The following POGZ variants were observed in gnomAD, a reference collection of about 807,000 sequenced individuals.
POGZ encodes pogo transposable element with ZNF domain.
Under a neutral mutation model 134.6 loss-of-function variants are expected in POGZ, and 17 were observed. The observed-to-expected ratio is 0.13, with a 90% CI of 0.09 to 0.19. The LOEUF (loss-of-function observed/expected upper bound fraction) is 0.19, where lower values mean the gene tolerates loss of function less well. Among genes scored for constraint, POGZ ranks in the 10% least tolerant of loss-of-function variants. The pLI, the probability that POGZ is intolerant of heterozygous loss-of-function variation, is 1.00. For missense variants in POGZ, 1,306 were observed against 1,769.7 expected (o/e 0.74, Z 4.70); for synonymous variants, 693 against 657.1 (o/e 1.05, Z -0.84).
intron 3 of POGZ, among the ~76,000 whole-genome samples, chr1:151,437,011 T>C (rs1659695883): frequency 6.6e-6 from 1 of 152,078 alleles, no homozygotes; most frequent in Admixed American, 6.6e-5. Flanking sequence ...CTAGCCAACA[T>C]GGTGACACAC....
chr1:151,424,979 A>G lies in POGZ; in HGVS notation c.1161T>C (p.Thr387=). ...CACACATGTGACCTCTCAAAGCTTC[A>G]GTAACACGAAATTGAGCATTACATC... ...CPRCNAQFRV[T]EALRGHMCYC... The change falls in exon 8 of 19, where the codon ACT becomes ACC. Residue 387 remains threonine (T), a synonymous_variant. Transcript: ENST00000271715. 1 of 1,591,820 alleles carries G rather than the reference A, an allele frequency of 6.3e-7. No individual in the cohort carries two copies. Among genetic ancestry groups the G allele is most frequent in the Non-Finnish European group, 8.6e-7 (1 of 1,163,812 alleles).
rs1372291064 is a variant in POGZ at position 151,406,482 on chromosome 1, AAAGAG to A, written c.2571-23_2571-19del. The A allele has an allele frequency of 1.3e-6, 2 of 1,556,542 alleles. No homozygotes were observed. Among genetic ancestry groups the A allele is most frequent in the African/African-American group, 2.8e-5 (2 of 72,524 alleles). On this transcript the variant is annotated intron_variant, in intron 18 of 18. Coordinates refer to ENST00000271715, the MANE Select transcript of POGZ (RefSeq NM_015100.4). ...GGCCATGCCTAAAGGGGTGAGGAGC[AAAGAG>A]AAGAGGAGAAATCTCAGTTCAACTA...
intron 1 of POGZ, 43 bp from the exon 2 acceptor site, chr1:151,442,248 G>C: frequency 1.3e-6 from 2 of 1,578,816 alleles, no homozygotes; most frequent in Non-Finnish European, 1.7e-6. Flanking sequence ...CTAAGAATAG[G>C]AGATATTGCT....
intron 3 of POGZ, among the ~76,000 whole-genome samples, chr1:151,432,443 A>G (rs911251796): frequency 1.8e-4 from 28 of 152,240 alleles, no homozygotes; most frequent in African/African-American, 6.8e-4. Flanking sequence ...TTACTGAGCC[A>G]GAAGACCAGT....
chr1:151,406,968 T>G lies in POGZ; in HGVS notation c.2488A>C (p.Met830Leu). The G allele has an allele frequency of 6.2e-7, 1 of 1,614,158 alleles. No homozygotes were observed. Among genetic ancestry groups the G allele is most frequent in the Non-Finnish European group, 8.5e-7 (1 of 1,180,004 alleles). ...GGGTTGAATACCAAATGCTTGGCCA[T>G]AGCATCGCCCACAGAGGTAACAAAG... Reference protein sequence around the residue: ...CTFVTSVGDAMAKHLVFNPSH... With the variant: ...CTFVTSVGDALAKHLVFNPSH... The change falls in exon 17 of 19, where the codon ATG (methionine) becomes CTG (leucine). Residue 830 changes from methionine (M) to leucine (L), a missense_variant. This residue lies in a region of POGZ where 214 missense variants were observed against 255.5 expected (regional missense o/e 0.84). Coordinates refer to ENST00000271715, the MANE Select transcript of POGZ (RefSeq NM_015100.4).
intron 15 of POGZ, 151 bp downstream of exon 15, chr1:151,407,949 T>C (rs1046991205): frequency 8.9e-6 from 5 of 563,746 alleles, no homozygotes; most frequent in African/African-American, 3.9e-5. Flanking sequence ...GAGGCAGAGG[T>C]TGCAGTGAGC....
At chr1:151,437,123 G>C (rs574511076) in intron 3 of POGZ, among the ~76,000 whole-genome samples, 5 of 151,990 alleles carry the variant, frequency 3.3e-5, no homozygotes, top group Admixed American at 3.3e-4. Context: ...GAACTTGGGA[G>C]GCAGAGGCTG....
At chr1:151,411,005 TCTAG>T (rs1654568105) in intron 12 of POGZ, among the ~76,000 whole-genome samples, 1 of 152,236 alleles carries the variant, frequency 6.6e-6, no homozygotes, top group Non-Finnish European at 1.5e-5. Context: ...AAAAAGGCCT[TCTAG>T]CTAGTTTCCC....
intron 9 of POGZ, among the ~76,000 whole-genome samples, 166 bp downstream of exon 9, chr1:151,423,783 A>G (rs541825878): frequency 6.6e-6 from 1 of 152,316 alleles, no homozygotes; most frequent in East Asian, 1.9e-4. Flanking sequence ...CCTTTTGTTT[A>G]TTACCACAAT....
intron 2 of POGZ, 41 bp from the exon 3 acceptor site, chr1:151,441,127 A>C (rs1178355564): frequency 2.6e-6 from 4 of 1,551,326 alleles, no homozygotes; most frequent in Non-Finnish European, 3.5e-6. Context: ...AGACAGGGAC[A>C]GATGACACTA....
rs1657360057 is a variant in POGZ, at chr1:151,423,938, T to A, written c.1523+11A>T. ...TGTTCAAGGTAACTTCCAAGGCTCT[T>A]AAACACTTACCGAATATTGTTTTTT... On this transcript the variant is annotated intron_variant, in intron 9 of 18. Transcript: ENST00000271715. The A allele has an allele frequency of 1.9e-6, 3 of 1,603,108 alleles. No individual in the cohort carries two copies. In the East Asian group the frequency reaches 6.7e-5, roughly 36 times the overall value.
Position 151,414,251 on chromosome 1 carries a change from C to T in POGZ, c.1679-1855G>A, listed in dbSNP as rs115608185. Among the ~76,000 whole-genome samples the T allele has an allele frequency of 3.5e-3, 528 of 152,240 alleles. 5 individuals carry two copies. The highest frequency in any genetic ancestry group is 0.012 in the African/African-American group (503 of 41,554). ...GGGAAACAGTTAACTAGCAACATAA[C>T]GATATTATCTCTTTTCCACTCACCC... On this transcript the variant is annotated intron_variant, in intron 10 of 18. Coordinates refer to ENST00000271715, the MANE Select transcript of POGZ (RefSeq NM_015100.4).
chr1:151,448,172 A>C (rs1219470347), intron 1 of POGZ, among the ~76,000 whole-genome samples: 1 of 151,752 alleles, frequency 6.6e-6, no homozygotes, highest in Non-Finnish European at 1.5e-5. Flanking sequence ...TTAGAAACCT[A>C]AAAAAAAATT....
At chr1:151,412,962 G>T (rs2479386) in intron 10 of POGZ, among the ~76,000 whole-genome samples, 148,576 of 152,270 alleles carry the variant, frequency 0.98, 72,613 homozygotes, top group Middle Eastern at 1. Context: ...TGACACAAAT[G>T]AACAATTTTG....
intron 7 of POGZ, 53 bp downstream of exon 7, chr1:151,427,770 T>C (rs1167861644): frequency 8.7e-7 from 1 of 1,154,156 alleles, no homozygotes; most frequent in Non-Finnish European, 1.3e-6. Context: ...CAACAAACAC[T>C]TTATTAATGT....
chr1:151,451,981 C>T (rs1217003133), intron 1 of POGZ, among the ~76,000 whole-genome samples: 3 of 150,552 alleles, frequency 2.0e-5, no homozygotes, highest in Non-Finnish European at 4.4e-5. Flanking sequence ...CCTGTAATCC[C>T]AGCTACTCAG....
chr1:151,411,571 A>G lies in POGZ; in HGVS notation c.1926+54T>C, dbSNP rs1654672417. The G allele has an allele frequency of 3.0e-6, 4 of 1,314,402 alleles. No individual in the cohort carries two copies. In the Admixed American group the frequency reaches 8.4e-5, roughly 28 times the overall value. The allele number at this position is 1,314,402 out of a possible 1,614,324, so 81.4% of individuals were successfully genotyped here. A position where few individuals can be genotyped will look rare whatever the true frequency, so the allele number is the denominator to read the frequency against. Reference sequence around the variant, plus strand: ...TAGCTCAGCCCTGGCCCCAGCATCCATGTTTAAAAAAAAAAAAAACAAGAG... The same window carrying G: ...TAGCTCAGCCCTGGCCCCAGCATCCGTGTTTAAAAAAAAAAAAAACAAGAG... On this transcript the variant is annotated intron_variant, in intron 12 of 18. Coordinates refer to ENST00000271715, the MANE Select transcript of POGZ (RefSeq NM_015100.4).
rs766269129 is a variant in POGZ at position 151,408,146 on chromosome 1, G to A, written c.2329C>T (p.Arg777Cys). ...GCTCGAGAACAGCAGGTGCTATAGC[G>A]ACACAGAGAGCAGTGTACGTAAGTA... ...FPTYVHCSLC[R>C]YSTCCSRAYA... The change falls in exon 15 of 19, where the codon CGC (arginine) becomes TGC (cysteine). Residue 777 changes from arginine to cysteine, a missense_variant. Coordinates refer to ENST00000271715, the MANE Select transcript of POGZ (RefSeq NM_015100.4). The A allele has an allele frequency of 3.1e-6, 5 of 1,612,822 alleles. No individual in the cohort carries two copies. The highest frequency in any genetic ancestry group is 1.7e-5 in the Admixed American group (1 of 59,950).
At chr1:151,456,533 A>G (rs1662795030) in intron 1 of POGZ, among the ~76,000 whole-genome samples, 1 of 152,200 alleles carries the variant, frequency 6.6e-6, no homozygotes, top group Non-Finnish European at 1.5e-5. Context: ...TTCACAACCC[A>G]ATCTCACAAA....
Sources: gnomAD v4.1 joint callset for allele counts (sites outside exome capture counted in the v4.1 genomes callset) on GRCh38, gnomAD v4.1.1 for gene constraint, gnomAD v4.1.1 regional missense constraint, MANE v1.5 for transcripts, NCBI Gene and HGNC (gene_info 2026-07-23, HGNC 2026-07-21) for gene names.